Variants in COL25A1 observed in about 807,000 individuals in gnomAD.
The protein encoded by COL25A1 is collagen type XXV alpha 1 chain.
COL25A1 carries 103 observed loss-of-function variants against 128.4 expected under a neutral mutation model. The ratio of observed to expected loss-of-function variants is 0.80; its 90% CI spans 0.68 to 0.94. The LOEUF (loss-of-function observed/expected upper bound fraction) is 0.94. Ranked by LOEUF, COL25A1 falls within the 40% of genes least tolerant of loss-of-function variation. COL25A1 has a pLI of 0.00. For synonymous variants in COL25A1, 279 were observed against 277.2 expected (o/e 1.01, Z -0.06); for missense variants, 745 against 840.0 (o/e 0.89, Z 1.40).
chr4:109,274,113 G>A (rs1371982045), intron 3 of COL25A1, among the ~76,000 whole-genome samples: 1 of 151,942 alleles, frequency 6.6e-6, no homozygotes, highest in Non-Finnish European at 1.5e-5. Context: ...ATCTTGGATG[G>A]TGTCATATTC....
Position 109,218,357 on chromosome 4 carries a change from G to GTTT in COL25A1, c.367+82223_367+82225dup, listed in dbSNP as rs34056401. ...CAGAATCAATTGCTGGTTTTTTGGG[G>GTTT]TTTTTTTTTTTTTTTTTTTTTTTTT... is the stretch of plus-strand genomic sequence containing the variant. On this transcript the variant is annotated intron_variant, in intron 3 of 37. Coordinates refer to ENST00000399132, the MANE Select transcript of COL25A1 (RefSeq NM_198721.4). Among the ~76,000 whole-genome samples, 576 of 73,424 alleles carry GTTT rather than the reference G, an allele frequency of 7.8e-3. 9 individuals are homozygous for GTTT. Among genetic ancestry groups the GTTT allele is most frequent in the Admixed American group, 0.043 (208 of 4,830 alleles). 48.2% of individuals were successfully genotyped at this position (73,424 alleles called of 152,430 possible).
At chr4:109,240,474 A>G (rs1578522475) in intron 3 of COL25A1, among the ~76,000 whole-genome samples, 1 of 152,142 alleles carries the variant, frequency 6.6e-6, no homozygotes. Flanking sequence ...AACTTTCAGG[A>G]ACATACTTCT....
At chr4:108,969,362 C>T (rs1560949729) in intron 8 of COL25A1, among the ~76,000 whole-genome samples, 1 of 152,140 alleles carries the variant, frequency 6.6e-6, no homozygotes, top group Non-Finnish European at 1.5e-5. Flanking sequence ...TGATATACGC[C>T]TAGATGCAAT....
At chr4:109,245,717 G>A (rs1780212937) in intron 3 of COL25A1, among the ~76,000 whole-genome samples, 1 of 152,098 alleles carries the variant, frequency 6.6e-6, no homozygotes, top group Non-Finnish European at 1.5e-5. Context: ...ACAACGTAAG[G>A]ATTAAATCTG....
At chr4:109,206,972 C>A (rs1249464947) in intron 3 of COL25A1, among the ~76,000 whole-genome samples, 2 of 152,174 alleles carry the variant, frequency 1.3e-5, no homozygotes, top group Admixed American at 6.5e-5. Context: ...GTATAGAAAT[C>A]TGCTTTAGGT....
At chr4:109,093,459 A>AAAAAACAACC (rs1553930993) in intron 3 of COL25A1, among the ~76,000 whole-genome samples, 1 of 121,994 alleles carries the variant, frequency 8.2e-6, no homozygotes, top group African/African-American at 2.8e-5. Context: ...ATCTCTATGA[A>AAAAAACAACC]AAAAAAAAAA....
At chr4:108,985,087 T>C (rs1378052155) in intron 6 of COL25A1, among the ~76,000 whole-genome samples, 2 of 152,318 alleles carry the variant, frequency 1.3e-5, no homozygotes, top group South Asian at 2.1e-4. Context: ...CTTCTTCCAA[T>C]GTATATTGGA....
intron 6 of COL25A1, among the ~76,000 whole-genome samples, chr4:108,993,189 C>G (rs2126015926): frequency 6.6e-6 from 1 of 152,310 alleles, no homozygotes; most frequent in Non-Finnish European, 1.5e-5. Context: ...ACTCCCACCC[C>G]AAACCCTGCC....
At chr4:109,283,183 T>C (rs1723545712) in intron 3 of COL25A1, among the ~76,000 whole-genome samples, 3 of 152,152 alleles carry the variant, frequency 2.0e-5, no homozygotes, top group Admixed American at 2.0e-4. Flanking sequence ...AAAATATCCC[T>C]GTGTATTTGA....
At chr4:109,189,441 G>A (rs535308845) in intron 3 of COL25A1, among the ~76,000 whole-genome samples, 5 of 150,996 alleles carry the variant, frequency 3.3e-5, no homozygotes, top group Admixed American at 1.3e-4. Flanking sequence ...CCAGCTACTC[G>A]GTAGGCTGAG....
chr4:108,889,659 C>T (rs766546519), intron 17 of COL25A1, 42 bp downstream of exon 17: 16 of 1,586,628 alleles, frequency 1.0e-5, no homozygotes, highest in Non-Finnish European at 1.4e-5. Flanking sequence ...AAAATCAGAA[C>T]TGTAACTCCT....
chr4:108,931,884 T>C (rs1011234980), intron 11 of COL25A1, among the ~76,000 whole-genome samples: 2 of 152,186 alleles, frequency 1.3e-5, no homozygotes, highest in Non-Finnish European at 2.9e-5. Context: ...ATGTACTTCA[T>C]GGACAATCAG....
intron 5 of COL25A1, among the ~76,000 whole-genome samples, chr4:109,026,191 A>G (rs1395788720): frequency 6.6e-6 from 1 of 151,924 alleles, no homozygotes; most frequent in African/African-American, 2.4e-5. Context: ...CTGGGTTAAG[A>G]ACCCCTGACT....
At chr4:108,961,617 T>G (rs1048939794) in intron 8 of COL25A1, among the ~76,000 whole-genome samples, 2 of 151,644 alleles carry the variant, frequency 1.3e-5, no homozygotes. Context: ...TTCTGTTCTG[T>G]TCTGTTCTGT....
chr4:109,104,354 C>T (rs1766199053), intron 3 of COL25A1, among the ~76,000 whole-genome samples: 1 of 151,708 alleles, frequency 6.6e-6, no homozygotes, highest in Non-Finnish European at 1.5e-5. Context: ...GCCTGGGTGA[C>T]AGAGCAAGAC....
At chr4:108,832,646 A>G (rs1333933564) in intron 31 of COL25A1, 2 of 459,282 alleles carry the variant, frequency 4.4e-6, no homozygotes, top group East Asian at 6.8e-5. Context: ...TTTCAATGAA[A>G]GGCACACACG....
At chr4:109,156,204 C>T (rs1772016173) in intron 3 of COL25A1, among the ~76,000 whole-genome samples, 1 of 152,146 alleles carries the variant, frequency 6.6e-6, no homozygotes, top group South Asian at 2.1e-4. Context: ...GTGTCAATGT[C>T]AACTGAAACA....
At chr4:108,963,036 C>T (rs1032775756) in intron 8 of COL25A1, among the ~76,000 whole-genome samples, 5 of 152,188 alleles carry the variant, frequency 3.3e-5, no homozygotes, top group Non-Finnish European at 7.3e-5. Flanking sequence ...TGAAAGGATG[C>T]TGCTGTCTGG....
At chr4:109,267,379 C>T (rs571443656) in intron 3 of COL25A1, among the ~76,000 whole-genome samples, 1 of 152,092 alleles carries the variant, frequency 6.6e-6, no homozygotes, top group South Asian at 2.1e-4. Flanking sequence ...ATTTTCAATC[C>T]AAAACATTAA....
Sources: gnomAD v4.1 joint callset for allele counts (sites outside exome capture counted in the v4.1 genomes callset) on GRCh38, gnomAD v4.1.1 for gene constraint, MANE v1.5 for transcripts, NCBI Gene and HGNC (gene_info 2026-07-23, HGNC 2026-07-21) for gene names.